The following GALNT13 variants were observed in gnomAD, a reference collection of about 807,000 sequenced individuals.
GALNT13 encodes UDP-GalNAc:polypeptide N-acetylgalactosaminyltransferase 13.
In GALNT13, 28 loss-of-function variants were observed where a neutral mutation model predicts 64.2. That is an observed-to-expected ratio of 0.44 (90% CI 0.32 to 0.60). GALNT13 has a LOEUF of 0.60. Ranked by LOEUF, GALNT13 falls within the 20% of genes least tolerant of loss-of-function variation. The pLI is 0.05. For missense variants in GALNT13, 577 were observed against 669.8 expected, an observed-to-expected ratio of 0.86 and a Z score of 1.53; for synonymous variants, 214 against 224.6, an observed-to-expected ratio of 0.95 and a Z score of 0.42.
chr2:154,372,937 C>T (rs1697781852), intron 9 of GALNT13, among the ~76,000 whole-genome samples: 1 of 152,014 alleles, frequency 6.6e-6, no homozygotes, highest in Admixed American at 6.6e-5. Context: ...AAGATAAACT[C>T]AGTTTTTTAT....
intron 3 of GALNT13, among the ~76,000 whole-genome samples, chr2:154,112,868 G>A (rs1288956800): frequency 6.6e-6 from 1 of 152,188 alleles, no homozygotes; most frequent in Admixed American, 6.5e-5. Context: ...GCAGGCTTGG[G>A]GAGAGAAGGC....
At chr2:153,939,899 T>A (rs56161054) in intron 2 of GALNT13, among the ~76,000 whole-genome samples, 8,421 of 152,248 alleles carry the variant, frequency 0.055, 342 homozygotes, top group South Asian at 0.11. Context: ...TTTAAGGAAC[T>A]TGAATCAAGT....
chr2:154,446,688 A>G, intron 12 of GALNT13: 1 of 1,548,582 alleles, frequency 6.5e-7, no homozygotes, highest in South Asian at 1.2e-5. Context: ...ATGGCTACTA[A>G]GAAACTATAC....
Position 154,173,375 on chromosome 2 carries a change from A to T in GALNT13, c.311+32870A>T, listed in dbSNP as rs542631888. Among the ~76,000 whole-genome samples the T allele has an allele frequency of 6.7e-5, 10 of 149,546 alleles. No homozygotes were observed. In the South Asian group the frequency reaches 8.3e-4, roughly 12 times the overall value. Reference sequence around the variant, plus strand: ...TTTAATTAATTAAATTTAAATTTTTAAATTAAATTAAATTAAATTAATAGA... The same window carrying T: ...TTTAATTAATTAAATTTAAATTTTTTAATTAAATTAAATTAAATTAATAGA... On this transcript the variant is annotated intron_variant, in intron 4 of 12. Transcript: ENST00000392825.
the GALNT13 span, among the ~76,000 whole-genome samples, chr2:153,148,015 G>C: frequency 5.9e-5 from 9 of 151,832 alleles, no homozygotes; most frequent in Non-Finnish European, 1.0e-4. Flanking sequence ...ACTACATCTA[G>C]TGGATAGATT....
the GALNT13 span, among the ~76,000 whole-genome samples, chr2:153,710,811 G>A: frequency 6.6e-6 from 1 of 151,920 alleles, no homozygotes; most frequent in African/African-American, 2.4e-5. Flanking sequence ...ATACTACCTA[G>A]TTGATACATT....
At chr2:154,276,011 CTTTG>C (rs754312324) in intron 8 of GALNT13, among the ~76,000 whole-genome samples, 1 of 152,068 alleles carries the variant, frequency 6.6e-6, no homozygotes, top group Non-Finnish European at 1.5e-5. Context: ...CCTGTAGCTT[CTTTG>C]TTTGGGCCAA....
Position 154,404,833 on chromosome 2 carries a change from A to AT in GALNT13, c.1297-4140dup, listed in dbSNP as rs776977258. Among the ~76,000 whole-genome samples the AT allele has an allele frequency of 5.5e-3, 817 of 149,070 alleles. 6 individuals carry two copies. Among genetic ancestry groups the AT allele is most frequent in the African/African-American group, 0.018 (726 of 40,728 alleles). On this transcript the variant is annotated intron_variant, in intron 10 of 12. Transcript: ENST00000392825. ...GGAGGTCTCAAGAAATAGAAGGGTA[A>AT]TTTTTTTTTTTAACACTTCAAAAAC...
chr2:153,189,469 A>G, the GALNT13 span, among the ~76,000 whole-genome samples: 20,721 of 152,150 alleles, frequency 0.14, 1,681 homozygotes, highest in Non-Finnish European at 0.18. Context: ...TACTATGTAA[A>G]TAAACCACAT....
At chr2:153,782,664 A>T in the GALNT13 span, among the ~76,000 whole-genome samples, 10 of 152,176 alleles carry the variant, frequency 6.6e-5, no homozygotes, top group African/African-American at 1.2e-4. Context: ...AGAGAAGACA[A>T]TGTGAAGGTA....
At chr2:154,018,738 G>T (rs542249108) in intron 3 of GALNT13, among the ~76,000 whole-genome samples, 1 of 151,630 alleles carries the variant, frequency 6.6e-6, no homozygotes. Context: ...GAATGATGAA[G>T]AGGGCGAGGG....
At chr2:154,183,916 G>C (rs1208314931) in intron 4 of GALNT13, among the ~76,000 whole-genome samples, 1 of 151,898 alleles carries the variant, frequency 6.6e-6, no homozygotes, top group Non-Finnish European at 1.5e-5. Context: ...GGAAAGTTAA[G>C]TTTATTTGAA....
the GALNT13 span, among the ~76,000 whole-genome samples, chr2:153,402,330 A>T: frequency 1.3e-5 from 2 of 151,486 alleles, no homozygotes; most frequent in African/African-American, 2.4e-5. Flanking sequence ...TTTGAGGGTA[A>T]CCCGACCTTT....
chr2:153,102,722 C>G, the GALNT13 span, among the ~76,000 whole-genome samples: 1 of 152,130 alleles, frequency 6.6e-6, no homozygotes, highest in East Asian at 1.9e-4. Flanking sequence ...TCAAGTTTAC[C>G]TCTTCAAGTT....
the GALNT13 span, among the ~76,000 whole-genome samples, chr2:153,253,408 C>G: frequency 9.0e-6 from 1 of 111,332 alleles, no homozygotes; most frequent in Non-Finnish European, 1.9e-5. Context: ...ATCGTGTCAT[C>G]TGCAAACAGG....
intron 2 of GALNT13, among the ~76,000 whole-genome samples, chr2:153,918,119 G>A (rs1366977924): frequency 1.3e-5 from 2 of 152,090 alleles, no homozygotes; most frequent in Admixed American, 6.6e-5. Flanking sequence ...AGTTCATTGA[G>A]ATTTTATTAA....
chr2:153,356,785 TC>T, the GALNT13 span, among the ~76,000 whole-genome samples: 1 of 31,350 alleles, frequency 3.2e-5, no homozygotes, highest in African/African-American at 9.9e-5. Context: ...ATTTTCTTCT[TC>T]CTCTTTTTTT....
chr2:154,146,008 CTAA>C (rs1683570132), intron 4 of GALNT13, among the ~76,000 whole-genome samples: 1 of 151,774 alleles, frequency 6.6e-6, no homozygotes, highest in Non-Finnish European at 1.5e-5. Context: ...TGTGAAGATA[CTAA>C]TAATTTCTTT....
chr2:154,121,494 A>G (rs1190194343), intron 3 of GALNT13, among the ~76,000 whole-genome samples: 2 of 152,132 alleles, frequency 1.3e-5, no homozygotes, highest in African/African-American at 2.4e-5. Context: ...GATTTGTTTT[A>G]TCTGAATTTT....
Sources: allele counts gnomAD v4.1 joint callset (sites outside exome capture counted in the v4.1 genomes callset), GRCh38; gene constraint gnomAD v4.1.1; transcripts MANE v1.5; gene names NCBI Gene and HGNC (gene_info 2026-07-23, HGNC 2026-07-21).